NELL1: variants seen among roughly 807,000 people sequenced by gnomAD.
The protein encoded by NELL1 is neural EGFL like 1, also known as protein kinase C-binding protein NELL1.
In NELL1, 76 loss-of-function variants were observed where a neutral mutation model predicts 107.4. The ratio of observed to expected loss-of-function variants is 0.71; its 90% CI spans 0.59 to 0.86. NELL1 has a LOEUF of 0.86. NELL1 is among the 40% of genes least tolerant of loss of function. NELL1 has a pLI of 0.00. For synonymous variants in NELL1, 353 were observed against 341.2 expected, an observed-to-expected ratio of 1.03 and a Z score of -0.38; for missense variants, 1,024 against 1,005.5, an observed-to-expected ratio of 1.02 and a Z score of -0.25.
rs377077373 is a variant in NELL1, at chr11:21,185,081, CCCAT to C, written c.1427-44237_1427-44234del. 4.2e-4 allele frequency among the ~76,000 whole-genome samples: 64 copies of C among 151,760 alleles called. No individual in the cohort carries two copies. In the East Asian group the frequency reaches 0.01, roughly 24 times the overall value. On this transcript the variant is annotated intron_variant, in intron 13 of 19. Transcript: ENST00000357134. ...TCCCATCTCTTCACTTGTCCATCTT[CCCAT>C]CCATCCATCCATCTATACTTCCATC...
chr11:20,775,560 G>A (rs1295879488), intron 2 of NELL1, among the ~76,000 whole-genome samples: 1 of 152,002 alleles, frequency 6.6e-6, no homozygotes, highest in African/African-American at 2.4e-5. Flanking sequence ...CTTTATTCCT[G>A]TGTTTCTCAC....
chr11:20,809,282 G>A (rs1036768676), intron 3 of NELL1, among the ~76,000 whole-genome samples: 11 of 152,186 alleles, frequency 7.2e-5, no homozygotes, highest in African/African-American at 2.4e-4. Context: ...GGGGTACAAT[G>A]TGATGTTTCG....
At chr11:20,811,688 T>C (rs1222299932) in intron 3 of NELL1, among the ~76,000 whole-genome samples, 2 of 152,092 alleles carry the variant, frequency 1.3e-5, no homozygotes, top group Non-Finnish European at 2.9e-5. Context: ...GTAATATTTT[T>C]GGTAGTTATT....
intron 15 of NELL1, among the ~76,000 whole-genome samples, chr11:21,405,646 C>G (rs1852217305): frequency 6.6e-6 from 1 of 151,976 alleles, no homozygotes; most frequent in African/African-American, 2.4e-5. Context: ...GATGACTCAC[C>G]AGTCTATATT....
chr11:20,944,335 T>TAA (rs200249559), intron 10 of NELL1, among the ~76,000 whole-genome samples: 4 of 151,990 alleles, frequency 2.6e-5, no homozygotes, highest in Non-Finnish European at 5.9e-5. Flanking sequence ...ACATAATTTT[T>TAA]AAAAAAAAAT....
intron 13 of NELL1, among the ~76,000 whole-genome samples, chr11:21,128,445 G>T (rs190062905): frequency 6.6e-6 from 1 of 152,254 alleles, no homozygotes; most frequent in African/African-American, 2.4e-5. Flanking sequence ...AAATAGCTGG[G>T]ATGTTAGAGA....
In NELL1 at chr11:21,415,766, G is replaced by A. The variant is rs1045770926; in HGVS notation, c.1645+44818G>A. On this transcript the variant is annotated intron_variant, in intron 15 of 19. Transcript: ENST00000357134. ...GGTTAAGCAAAAGGAGAAGGGCTGG[G>A]GGTTTTCCATTCTCTGGCACTGGTG... 3.9e-5 allele frequency among the ~76,000 whole-genome samples: 6 copies of A among 151,996 alleles called. No individual in the cohort carries two copies. In the South Asian group the frequency reaches 6.2e-4, roughly 16 times the overall value.
chr11:20,948,165 C>T (rs551225921), intron 11 of NELL1, among the ~76,000 whole-genome samples: 2 of 152,204 alleles, frequency 1.3e-5, no homozygotes, highest in South Asian at 2.1e-4. Flanking sequence ...GCCTAAGCCT[C>T]CCAAGTAGCT....
intron 2 of NELL1, among the ~76,000 whole-genome samples, chr11:20,733,148 C>T (rs1371047483): frequency 6.6e-6 from 1 of 152,188 alleles, no homozygotes; most frequent in Admixed American, 6.5e-5. Flanking sequence ...CTTCCTCTTC[C>T]TCCCTGCCAT....
At chr11:21,067,743 C>G (rs10833451) in intron 12 of NELL1, among the ~76,000 whole-genome samples, 52,375 of 151,818 alleles carry the variant, frequency 0.34, 9,145 homozygotes, top group East Asian at 0.43. Context: ...GTTTAGAACT[C>G]TATTCTAGGC....
At chr11:21,336,672 T>TACACACACACACACACAC (rs368167297) in intron 14 of NELL1, among the ~76,000 whole-genome samples, 3 of 106,258 alleles carry the variant, frequency 2.8e-5, no homozygotes, top group African/African-American at 9.4e-5. Flanking sequence ...TATATATATA[T>TACACACACACACACACAC]ATACACACAC....
intron 1 of NELL1, among the ~76,000 whole-genome samples, chr11:20,673,172 C>G (rs1162383387): frequency 2.6e-5 from 4 of 151,962 alleles, no homozygotes; most frequent in Non-Finnish European, 5.9e-5. Flanking sequence ...AAGAGATTTT[C>G]TTTTGGAAGG....
chr11:20,728,431 A>G (rs1008990624), intron 2 of NELL1, among the ~76,000 whole-genome samples: 1 of 152,070 alleles, frequency 6.6e-6, no homozygotes. Flanking sequence ...TCCATGATTC[A>G]TATAGTTTGA....
intron 4 of NELL1, among the ~76,000 whole-genome samples, chr11:20,882,463 G>A (rs553338946): frequency 2.2e-4 from 34 of 152,292 alleles, no homozygotes; most frequent in Middle Eastern, 3.4e-3. Flanking sequence ...ACTTATAGGA[G>A]TGATACAAGG....
At chr11:21,332,561 CT>C (rs1427670244) in intron 14 of NELL1, among the ~76,000 whole-genome samples, 2 of 151,926 alleles carry the variant, frequency 1.3e-5, no homozygotes, top group African/African-American at 4.8e-5. Flanking sequence ...ATTATGATTG[CT>C]TATGGTAGAA....
intron 13 of NELL1, among the ~76,000 whole-genome samples, chr11:21,154,600 CA>C (rs1247076181): frequency 4.6e-5 from 7 of 151,734 alleles, no homozygotes; most frequent in Non-Finnish European, 8.8e-5. Context: ...GTGATAAGGA[CA>C]AAAATATAAA....
chr11:21,481,518 C>T (rs903811005), intron 15 of NELL1, among the ~76,000 whole-genome samples: 1 of 152,202 alleles, frequency 6.6e-6, no homozygotes, highest in Admixed American at 6.5e-5. Flanking sequence ...CCTTATAATT[C>T]TCTCAAGACC....
At chr11:20,941,570 C>T (rs374857455) in intron 10 of NELL1, among the ~76,000 whole-genome samples, 7 of 152,130 alleles carry the variant, frequency 4.6e-5, no homozygotes, top group South Asian at 4.2e-4. Context: ...TGCAACATAA[C>T]GGAAGACAAT....
chr11:21,297,036 A>C (rs1444507023), intron 14 of NELL1, among the ~76,000 whole-genome samples: 1 of 151,462 alleles, frequency 6.6e-6, no homozygotes, highest in Non-Finnish European at 1.5e-5. Context: ...AATTTAAAAA[A>C]ATAATTATTT....
Sources: allele counts gnomAD v4.1 joint callset (sites outside exome capture counted in the v4.1 genomes callset), GRCh38; gene constraint gnomAD v4.1.1; transcripts MANE v1.5; gene names NCBI Gene and HGNC (gene_info 2026-07-23, HGNC 2026-07-21).